The following TENM3 variants were observed in gnomAD, a reference collection of about 807,000 sequenced individuals.
TENM3 encodes the protein teneurin-3.
In TENM3, 63 loss-of-function variants were observed where a neutral mutation model predicts 255.1. The observed-to-expected ratio is 0.25, with a 90% confidence interval of 0.20 to 0.30. The LOEUF is 0.30. TENM3 is among the 10% of genes least tolerant of loss of function. TENM3 has a pLI of 1.00. For synonymous variants in TENM3, 1,306 were observed against 1,322.3 expected (o/e 0.99, Z 0.27); for missense variants, 2,929 against 3,461.1 (o/e 0.85, Z 3.86).
chr4:182,543,932 C>T (rs184048468), intron 3 of TENM3, among the ~76,000 whole-genome samples: 73 of 152,052 alleles, frequency 4.8e-4, no homozygotes, highest in African/African-American at 1.7e-3. Flanking sequence ...ATTAAATAGA[C>T]GAAGGAGGTT....
the TENM3 span, among the ~76,000 whole-genome samples, chr4:181,663,820 G>A: frequency 1.3e-3 from 202 of 152,274 alleles, no homozygotes; most frequent in African/African-American, 4.5e-3. Flanking sequence ...TCAGCTTCCA[G>A]TGTGTGATTT....
At chr4:181,784,728 A>G in the TENM3 span, among the ~76,000 whole-genome samples, 1 of 152,154 alleles carries the variant, frequency 6.6e-6, no homozygotes, top group African/African-American at 2.4e-5. Context: ...TATTATTTCA[A>G]ACCAAGGGAC....
Position 182,751,781 on chromosome 4 carries a change from T to A in TENM3, c.3630-19T>A. 1 of 1,583,862 alleles carries A rather than the reference T, an allele frequency of 6.3e-7. No individual in the cohort carries two copies. Among genetic ancestry groups the A allele is most frequent in the Non-Finnish European group, 8.7e-7 (1 of 1,152,402 alleles). ...TAGGAGTAACTCCCTTTGATGTTTA[T>A]CTATGATCCTTTTCACAGCAGCAAC... On this transcript the variant is annotated intron_variant, in intron 19 of 27. Transcript: ENST00000511685.
At chr4:182,075,489 C>G in the TENM3 span, among the ~76,000 whole-genome samples, 2 of 152,130 alleles carry the variant, frequency 1.3e-5, no homozygotes, top group African/African-American at 2.4e-5. Context: ...TGAGCCACCA[C>G]GCTCAGCCGA....
chr4:182,101,684 G>A, the TENM3 span, among the ~76,000 whole-genome samples: 4 of 152,210 alleles, frequency 2.6e-5, no homozygotes, highest in Non-Finnish European at 2.9e-5. Context: ...GGAGGAATCC[G>A]TTTTCAGATC....
At chr4:182,480,896 G>A (rs1000812775) in intron 3 of TENM3, among the ~76,000 whole-genome samples, 1 of 152,060 alleles carries the variant, frequency 6.6e-6, no homozygotes, top group Non-Finnish European at 1.5e-5. Flanking sequence ...AGAGAATTGG[G>A]TATTTGATTT....
the TENM3 span, among the ~76,000 whole-genome samples, chr4:181,771,689 T>C: frequency 6.6e-6 from 1 of 152,220 alleles, no homozygotes. Flanking sequence ...TACACACAAA[T>C]CAACCGGCTG....
At chr4:182,454,792 T>G (rs1311478108) in intron 3 of TENM3, among the ~76,000 whole-genome samples, 2 of 152,240 alleles carry the variant, frequency 1.3e-5, no homozygotes, top group African/African-American at 4.8e-5. Flanking sequence ...TTTGAACAAG[T>G]ATTGTTCAAT....
chr4:181,901,075 G>A, the TENM3 span, among the ~76,000 whole-genome samples: 1 of 152,142 alleles, frequency 6.6e-6, no homozygotes, highest in East Asian at 1.9e-4. Context: ...CAATGATCAA[G>A]GGACAGGAAG....
the TENM3 span, among the ~76,000 whole-genome samples, chr4:181,544,713 A>G: frequency 9.2e-5 from 14 of 152,230 alleles, no homozygotes; most frequent in African/African-American, 3.4e-4. Flanking sequence ...CGGTGCCACC[A>G]TAGGATTCCA....
the TENM3 span, among the ~76,000 whole-genome samples, chr4:181,615,514 G>A: frequency 6.6e-6 from 1 of 152,050 alleles, no homozygotes; most frequent in African/African-American, 2.4e-5. Context: ...TTTTTATTAA[G>A]TATTTTCATA....
chr4:182,613,921 C>T (rs1749238227), intron 4 of TENM3, among the ~76,000 whole-genome samples: 1 of 152,138 alleles, frequency 6.6e-6, no homozygotes, highest in Admixed American at 6.5e-5. Flanking sequence ...ATTTAAGACA[C>T]CTTTCTTGCA....
chr4:181,521,818 C>A, the TENM3 span, among the ~76,000 whole-genome samples: 2 of 152,022 alleles, frequency 1.3e-5, no homozygotes, highest in Non-Finnish European at 2.9e-5. Flanking sequence ...CAATGTGGGC[C>A]GGGTGTGGTG....
In TENM3 at chr4:182,736,152, A is replaced by G. The variant is rs1193436241; in HGVS notation, c.2968-656A>G. 2.6e-5 allele frequency among the ~76,000 whole-genome samples: 4 copies of G among 152,234 alleles called. No individual in the cohort carries two copies. The East Asian group carries it at 7.7e-4, about 29-fold the overall frequency. On this transcript the variant is annotated intron_variant, in intron 16 of 27. Transcript: ENST00000511685. Reference sequence around the variant, plus strand: ...CAATCTTTAATTATGACAATGTGCTATTATTACATTACCTCTCAACATGGA... The same window carrying G: ...CAATCTTTAATTATGACAATGTGCTGTTATTACATTACCTCTCAACATGGA...
At chr4:182,636,653 G>A (rs1751865356) in intron 5 of TENM3, among the ~76,000 whole-genome samples, 4 of 151,702 alleles carry the variant, frequency 2.6e-5, no homozygotes, top group African/African-American at 9.7e-5. Context: ...GGAGGCAGAG[G>A]TTGCAGCGAG....
chr4:181,613,643 T>A, the TENM3 span, among the ~76,000 whole-genome samples: 1 of 152,250 alleles, frequency 6.6e-6, no homozygotes, highest in East Asian at 1.9e-4. Flanking sequence ...GGGAAAATGA[T>A]AAAAAATAAC....
intron 11 of TENM3, among the ~76,000 whole-genome samples, chr4:182,685,449 C>T (rs983251738): frequency 6.6e-6 from 1 of 152,156 alleles, no homozygotes; most frequent in Non-Finnish European, 1.5e-5. Flanking sequence ...CACCAACCAA[C>T]ACTTACCCAG....
At chr4:182,334,550 T>C (rs1294003755) in intron 2 of TENM3, among the ~76,000 whole-genome samples, 4 of 152,154 alleles carry the variant, frequency 2.6e-5, no homozygotes, top group African/African-American at 9.7e-5. Flanking sequence ...ATATGTATTT[T>C]CAAAAGTATG....
chr4:182,060,358 G>A, the TENM3 span, among the ~76,000 whole-genome samples: 3 of 152,122 alleles, frequency 2.0e-5, no homozygotes, highest in Admixed American at 2.0e-4. Flanking sequence ...GATGGGGTAT[G>A]GTTTCAGGTT....
Sources: gnomAD v4.1 joint callset for allele counts (sites outside exome capture counted in the v4.1 genomes callset) on GRCh38, gnomAD v4.1.1 for gene constraint, MANE v1.5 for transcripts, NCBI Gene and HGNC (gene_info 2026-07-23, HGNC 2026-07-21) for gene names.